The following EPB41L4A variants were observed in gnomAD, a reference collection of about 807,000 sequenced individuals.
The protein encoded by EPB41L4A is band 4.1-like protein 4A.
In EPB41L4A, 100 loss-of-function variants were observed where a neutral mutation model predicts 108.6. That is an observed-to-expected ratio of 0.92 (90% CI 0.78 to 1.09). The LOEUF (loss-of-function observed/expected upper bound fraction) is 1.09. EPB41L4A is among the 50% of genes least tolerant of loss of function. The pLI is 0.00. For missense variants in EPB41L4A, 1,030 were observed against 842.7 expected (o/e 1.22, Z -2.75); for synonymous variants, 319 against 289.0 (o/e 1.10, Z -1.05).
At chr5:112,315,833 A>C (rs1332439629) in intron 1 of EPB41L4A, among the ~76,000 whole-genome samples, 1 of 152,176 alleles carries the variant, frequency 6.6e-6, no homozygotes, top group South Asian at 2.1e-4. Context: ...AAAATAAAGA[A>C]GACTTGATAT....
intron 1 of EPB41L4A, among the ~76,000 whole-genome samples, chr5:112,356,002 T>C (rs1457867920): frequency 2.6e-5 from 4 of 152,192 alleles, no homozygotes; most frequent in Admixed American, 2.6e-4. Context: ...TTTTTGAATG[T>C]ATTATTGCAG....
Position 112,291,526 on chromosome 5 carries a change from C to T in EPB41L4A, c.205-11203G>A, listed in dbSNP as rs528598996. Among the ~76,000 whole-genome samples, 68 of 152,308 alleles carry T rather than the reference C, an allele frequency of 4.5e-4. 1 individual carries two copies. The South Asian group carries it at 8.3e-3, about 19-fold the overall frequency. On this transcript the variant is annotated intron_variant, in intron 2 of 22. Transcript: ENST00000261486. ...AGTGTTAGGCCTCAGGACACAAAGT[C>T]TCTCTCCTGCCCTCCTTTCACCTGC...
chr5:112,246,504 C>A (rs1444228454), intron 9 of EPB41L4A, among the ~76,000 whole-genome samples: 6 of 152,152 alleles, frequency 3.9e-5, no homozygotes, highest in African/African-American at 1.4e-4. Flanking sequence ...AAGCTGGGAA[C>A]TGGGTCACGC....
chr5:112,170,561 TG>T (rs2150202787), intron 19 of EPB41L4A, among the ~76,000 whole-genome samples, 192 bp from the exon 20 acceptor site: 1 of 152,356 alleles, frequency 6.6e-6, no homozygotes, highest in East Asian at 1.9e-4. Context: ...GTAGCTCTTT[TG>T]CCTTCTTTCA....
Position 112,205,420 on chromosome 5 carries a change from C to A in EPB41L4A, c.1262+1G>T. 6.2e-7 allele frequency: 1 copy of A among 1,612,180 alleles called. No homozygotes were observed. The highest frequency in any genetic ancestry group is 8.5e-7 in the Non-Finnish European group (1 of 1,178,284). On this transcript the variant is annotated splice_donor_variant, in intron 14 of 22. Transcript: ENST00000261486. LOFTEE classifies it high-confidence loss of function. ...TTTATAAAAACAATGATTCCCTTTA[C>A]CTCTGGGGGCCATTTTCTTCCCACG...
chr5:112,201,262 C>T (rs1442475461), intron 15 of EPB41L4A, among the ~76,000 whole-genome samples: 1 of 152,158 alleles, frequency 6.6e-6, no homozygotes, highest in Non-Finnish European at 1.5e-5. Context: ...TCTATGGATG[C>T]TCAGGCAAAA....
At chr5:112,241,399 G>A (rs1164765314) in intron 9 of EPB41L4A, among the ~76,000 whole-genome samples, 2 of 152,118 alleles carry the variant, frequency 1.3e-5, no homozygotes, top group African/African-American at 4.8e-5. Flanking sequence ...TATAATAGGT[G>A]TATAATACAT....
chr5:112,168,952 T>C (rs999219986), intron 21 of EPB41L4A, 43 bp downstream of exon 21: 20 of 1,531,342 alleles, frequency 1.3e-5, no homozygotes, highest in African/African-American at 1.2e-4. Context: ...TGCACTGTTT[T>C]GGAGCCATGA....
chr5:112,322,700 ACACACACACACACACACACACACACACT>A (rs1034032167), intron 1 of EPB41L4A, among the ~76,000 whole-genome samples: 1 of 98,570 alleles, frequency 1.0e-5, no homozygotes, highest in Non-Finnish European at 2.1e-5. Context: ...CCACTATGAG[ACACACACACACACACACACACACACACT>A]CACACACACA....
At chr5:112,167,076 TG>T (rs1760290007) in intron 22 of EPB41L4A, among the ~76,000 whole-genome samples, 1 of 119,322 alleles carries the variant, frequency 8.4e-6, no homozygotes, top group Non-Finnish European at 1.7e-5. Flanking sequence ...AATTCCTGAG[TG>T]GAAATAAAAA....
chr5:112,379,523 C>T (rs1760033905), intron 1 of EPB41L4A, among the ~76,000 whole-genome samples: 1 of 152,154 alleles, frequency 6.6e-6, no homozygotes, highest in Non-Finnish European at 1.5e-5. Flanking sequence ...TAGCAGGAGA[C>T]CAAGTCTGTG....
chr5:112,369,951 G>A (rs564373898), intron 1 of EPB41L4A, among the ~76,000 whole-genome samples: 10 of 151,188 alleles, frequency 6.6e-5, no homozygotes, highest in African/African-American at 2.5e-4. Flanking sequence ...CACCTTTATG[G>A]AAATCCTCTG....
chr5:112,295,606 A>G (rs1035161774), intron 2 of EPB41L4A, among the ~76,000 whole-genome samples: 3 of 152,220 alleles, frequency 2.0e-5, no homozygotes, highest in African/African-American at 7.2e-5. Flanking sequence ...GAATAATCAC[A>G]GGAGAAGCAT....
chr5:112,253,512 G>C (rs149379825), intron 9 of EPB41L4A, among the ~76,000 whole-genome samples: 97 of 152,256 alleles, frequency 6.4e-4, no homozygotes, highest in Admixed American at 1.0e-3. Context: ...ACATTATTGG[G>C]TTAACCAACA....
chr5:112,217,662 C>T (rs1315165595), intron 12 of EPB41L4A, among the ~76,000 whole-genome samples: 1 of 152,218 alleles, frequency 6.6e-6, no homozygotes, highest in African/African-American at 2.4e-5. Context: ...CACACCACTG[C>T]ACTCCAGCCT....
At chr5:112,215,543 A>G (rs1747564129) in intron 12 of EPB41L4A, among the ~76,000 whole-genome samples, 1 of 152,130 alleles carries the variant, frequency 6.6e-6, no homozygotes, top group Admixed American at 6.5e-5. Context: ...CGGGCGGATC[A>G]TGAGGTCAGG....
intron 1 of EPB41L4A, among the ~76,000 whole-genome samples, chr5:112,356,194 A>G (rs918906659): frequency 6.6e-6 from 1 of 152,186 alleles, no homozygotes; most frequent in Non-Finnish European, 1.5e-5. Flanking sequence ...ACGATGGAAT[A>G]TGGGCTATTA....
chr5:112,256,138 T>C (rs567999511), intron 9 of EPB41L4A, among the ~76,000 whole-genome samples: 1 of 152,328 alleles, frequency 6.6e-6, no homozygotes, highest in South Asian at 2.1e-4. Context: ...AGTTGTTGAA[T>C]GAGTAAACAA....
chr5:112,360,995 CG>C (rs1758704149), intron 1 of EPB41L4A, among the ~76,000 whole-genome samples: 1 of 152,042 alleles, frequency 6.6e-6, no homozygotes, highest in Non-Finnish European at 1.5e-5. Flanking sequence ...CCCCTCCGCC[CG>C]GCAGCCGCCC....
Sources: gnomAD v4.1 joint callset for allele counts (sites outside exome capture counted in the v4.1 genomes callset) on GRCh38, gnomAD v4.1.1 for gene constraint, MANE v1.5 for transcripts, NCBI Gene and HGNC (gene_info 2026-07-23, HGNC 2026-07-21) for gene names.